Variants in KSR2 observed in about 807,000 individuals in gnomAD.
The protein encoded by KSR2 is kinase suppressor of ras 2.
In KSR2, 25 loss-of-function variants were observed where a neutral mutation model predicts 107.8. The ratio of observed to expected loss-of-function variants is 0.23; its 90% CI spans 0.17 to 0.32. KSR2 has a LOEUF of 0.32. Among genes scored for constraint, KSR2 ranks in the 10% least tolerant of loss-of-function variants. KSR2 has a pLI of 1.00. For missense variants in KSR2, 887 were observed against 1,268.9 expected (o/e 0.70, Z 4.57); for synonymous variants, 480 against 507.0 (o/e 0.95, Z 0.71).
intron 1 of KSR2, among the ~76,000 whole-genome samples, chr12:117,874,754 G>A (rs1485579014): frequency 6.6e-6 from 1 of 152,046 alleles, no homozygotes; most frequent in Non-Finnish European, 1.5e-5. Flanking sequence ...CCTGCCAGGC[G>A]GCCTAATTGA....
intron 13 of KSR2, among the ~76,000 whole-genome samples, chr12:117,525,637 T>A (rs750029140): frequency 6.6e-5 from 10 of 152,226 alleles, no homozygotes; most frequent in Non-Finnish European, 1.2e-4. Flanking sequence ...TCCGATGGCC[T>A]TCCTATTCTT....
intron 1 of KSR2, among the ~76,000 whole-genome samples, chr12:117,950,806 G>A (rs1896342812): frequency 6.7e-6 from 1 of 150,056 alleles, no homozygotes; most frequent in Admixed American, 6.7e-5. Flanking sequence ...ATACACTGGG[G>A]GAAAACAAAA....
intron 5 of KSR2, among the ~76,000 whole-genome samples, chr12:117,600,591 A>G (rs979530515): frequency 3.9e-5 from 6 of 152,228 alleles, no homozygotes; most frequent in Admixed American, 2.6e-4. Flanking sequence ...AAAGAAGCAC[A>G]TTCACAGGCC....
chr12:117,613,660 T>C (rs1416077596), intron 5 of KSR2, among the ~76,000 whole-genome samples: 1 of 152,186 alleles, frequency 6.6e-6, no homozygotes, highest in African/African-American at 2.4e-5. Context: ...TAAAAAGCAG[T>C]TGGGCAGATC....
At chr12:117,965,711 T>C (rs1049175367) in intron 1 of KSR2, among the ~76,000 whole-genome samples, 5 of 152,238 alleles carry the variant, frequency 3.3e-5, no homozygotes, top group African/African-American at 4.8e-5. Flanking sequence ...TTTGAAAACA[T>C]GTATCAGAAA....
chr12:117,658,474 C>T (rs900172652), intron 5 of KSR2, among the ~76,000 whole-genome samples: 2 of 152,238 alleles, frequency 1.3e-5, no homozygotes, highest in Admixed American at 1.3e-4. Flanking sequence ...TCTACTGAAA[C>T]ACAGCCACAT....
intron 4 of KSR2, among the ~76,000 whole-genome samples, chr12:117,705,783 C>T (rs1320675493): frequency 6.6e-6 from 1 of 152,154 alleles, no homozygotes; most frequent in Non-Finnish European, 1.5e-5. Flanking sequence ...GGGAATGCTC[C>T]CCTCTTTGGG....
chr12:117,591,787 T>C (rs1880337166), intron 5 of KSR2, among the ~76,000 whole-genome samples: 1 of 151,288 alleles, frequency 6.6e-6, no homozygotes, highest in Non-Finnish European at 1.5e-5. Context: ...GCGGATCACT[T>C]GAGGTCAGGA....
chr12:117,695,302 A>G (rs538059238), intron 4 of KSR2, among the ~76,000 whole-genome samples: 1 of 152,286 alleles, frequency 6.6e-6, no homozygotes, highest in Non-Finnish European at 1.5e-5. Context: ...GGGGATGGAT[A>G]ATGGTGATGG....
At position 117,484,492 on chromosome 12, in the gene KSR2, C is replaced by T. The variant is rs763587643; in HGVS notation, c.2374G>A (p.Val792Ile). 34 of 1,613,532 alleles carry T rather than the reference C, an allele frequency of 2.1e-5. No homozygotes were observed. The highest frequency in any genetic ancestry group is 1.3e-4 in the East Asian group (6 of 44,894). The change falls in exon 16 of 20, where the codon GTC (valine) becomes ATC (isoleucine). Residue 792 changes from valine (V) to isoleucine (I), a missense_variant. Val to Ile is a conservative substitution (Grantham distance 29). This residue lies in a region of KSR2 where 308 missense variants were observed against 506.2 expected (regional missense o/e 0.61). Coordinates refer to ENST00000339824, the MANE Select transcript of KSR2 (RefSeq NM_173598.6). The stretch of plus-strand genomic sequence containing the variant: ...ACCACTTTGCCGTTGTCATAGAAGA[C>T]GTTCTTTGACTTGAGGTCCTTGTGT... ...ILHKDLKSKN[V>I]FYDNGKVVIT...
At chr12:117,831,130 A>G (rs753499950) in intron 3 of KSR2, among the ~76,000 whole-genome samples, 2 of 152,172 alleles carry the variant, frequency 1.3e-5, no homozygotes, top group Non-Finnish European at 2.9e-5. Flanking sequence ...GCCGCTTTAA[A>G]TCATGTCTGT....
At chr12:117,877,336 CA>C (rs552721090) in intron 1 of KSR2, among the ~76,000 whole-genome samples, 11 of 150,400 alleles carry the variant, frequency 7.3e-5, no homozygotes, top group African/African-American at 1.2e-4. Flanking sequence ...GACTCCATCT[CA>C]AAAAAAAACT....
intron 5 of KSR2, among the ~76,000 whole-genome samples, chr12:117,654,441 T>G (rs973747369): frequency 6.6e-6 from 1 of 152,090 alleles, no homozygotes; most frequent in Non-Finnish European, 1.5e-5. Context: ...TCACAGATGG[T>G]TCTGCACAAT....
chr12:117,876,996 T>C (rs1175606993), intron 1 of KSR2, among the ~76,000 whole-genome samples: 3 of 152,164 alleles, frequency 2.0e-5, no homozygotes, highest in African/African-American at 4.8e-5. Flanking sequence ...TTGTACAGTA[T>C]TTTTAGTGTG....
chr12:117,633,804 A>G (rs534376585), intron 5 of KSR2, among the ~76,000 whole-genome samples: 1 of 152,214 alleles, frequency 6.6e-6, no homozygotes, highest in East Asian at 1.9e-4. Flanking sequence ...CATGGATATA[A>G]GTTTTGGGAG....
At chr12:117,766,769 ACAG>A (rs1161074499) in intron 3 of KSR2, among the ~76,000 whole-genome samples, 1 of 151,926 alleles carries the variant, frequency 6.6e-6, no homozygotes, top group Non-Finnish European at 1.5e-5. Context: ...GAGGTGGGTG[ACAG>A]CAGAAGGATG....
chr12:117,876,625 A>T (rs1893862084), intron 1 of KSR2, among the ~76,000 whole-genome samples: 1 of 152,060 alleles, frequency 6.6e-6, no homozygotes, highest in Admixed American at 6.6e-5. Flanking sequence ...CGATCCTTAT[A>T]ATTTTAACAT....
chr12:117,623,305 A>T (rs1321784449), intron 5 of KSR2, among the ~76,000 whole-genome samples: 2 of 152,186 alleles, frequency 1.3e-5, no homozygotes, highest in African/African-American at 4.8e-5. Context: ...ATAGGTATAC[A>T]TGTGACTTGT....
chr12:117,710,270 T>C (rs568189616), intron 4 of KSR2, among the ~76,000 whole-genome samples: 1 of 152,226 alleles, frequency 6.6e-6, no homozygotes, highest in South Asian at 2.1e-4. Context: ...GCAGGTGACA[T>C]AGAAGGCCTC....
Sources: gnomAD v4.1 joint callset for allele counts (sites outside exome capture counted in the v4.1 genomes callset) on GRCh38, gnomAD v4.1.1 for gene constraint, gnomAD v4.1.1 regional missense constraint, MANE v1.5 for transcripts, NCBI Gene and HGNC (gene_info 2026-07-23, HGNC 2026-07-21) for gene names.